The following TTC8 variants were observed in gnomAD, a reference collection of about 807,000 sequenced individuals.
TTC8 encodes the protein tetratricopeptide repeat domain 8, also known as tetratricopeptide repeat protein 8.
Under a neutral mutation model 72.5 loss-of-function variants are expected in TTC8, and 47 were observed. The ratio of observed to expected loss-of-function variants is 0.65; its 90% confidence interval spans 0.51 to 0.83. TTC8 has a LOEUF of 0.83. TTC8 is among the 40% of genes least tolerant of loss of function. The pLI is 0.00. For synonymous variants in TTC8, 199 were observed against 221.4 expected, an observed-to-expected ratio of 0.90 and a Z score of 0.90; for missense variants, 611 against 623.2, an observed-to-expected ratio of 0.98 and a Z score of 0.21.
intron 13 of TTC8, among the ~76,000 whole-genome samples, chr14:88,873,830 C>T (rs878999165): frequency 3.9e-5 from 6 of 152,154 alleles, no homozygotes; most frequent in South Asian, 2.1e-4. Flanking sequence ...GATAAAGAAA[C>T]GGAGGCTTGA....
intron 3 of TTC8, among the ~76,000 whole-genome samples, chr14:88,840,554 G>C (rs1057034354): frequency 4.6e-5 from 7 of 152,044 alleles, no homozygotes; most frequent in Non-Finnish European, 7.4e-5. Context: ...TTGAACTTTG[G>C]AGCCTGTTAG....
At chr14:88,866,866 G>A (rs1469342243) in intron 10 of TTC8, among the ~76,000 whole-genome samples, 1 of 152,036 alleles carries the variant, frequency 6.6e-6, no homozygotes, top group East Asian at 1.9e-4. Context: ...ACACAATCGT[G>A]GAGGGACAAA....
intron 13 of TTC8, among the ~76,000 whole-genome samples, chr14:88,873,695 G>C (rs1466190400): frequency 1.3e-5 from 2 of 152,152 alleles, no homozygotes; most frequent in Non-Finnish European, 2.9e-5. Context: ...GGAGCACATG[G>C]TAGATGCTTA....
chr14:88,871,011 C>T lies in TTC8; in HGVS notation c.1050-538C>T, dbSNP rs1294549358. On this transcript the variant is annotated intron_variant, in intron 11 of 14. Coordinates refer to ENST00000380656, the MANE Select transcript of TTC8 (RefSeq NM_144596.4). This position sits in a 1 kb window ranked among gnomAD's most constrained non-coding sequence, Gnocchi z 4.1. ...CATAGAAGCAAATGGGGCTCTTGAG[C>T]TGCAGTGTGAGAGCTAAGTGGATAA... Among the ~76,000 whole-genome samples the T allele has an allele frequency of 2.0e-5, 3 of 152,162 alleles. 1 individual carries two copies. Among genetic ancestry groups the T allele is most frequent in the East Asian group, 3.9e-4 (2 of 5,192 alleles).
At chr14:88,828,499 T>G (rs910150187) in intron 1 of TTC8, among the ~76,000 whole-genome samples, 1 of 152,216 alleles carries the variant, frequency 6.6e-6, no homozygotes, top group Admixed American at 6.5e-5. Context: ...ACCAAACTGA[T>G]TATAGTATGG....
chr14:88,846,793 A>G, intron 7 of TTC8: 1 of 532,332 alleles, frequency 1.9e-6, no homozygotes, highest in Non-Finnish European at 3.1e-6. Flanking sequence ...GAACTTAAAA[A>G]TTTTTGATTT....
At chr14:88,843,948 GA>G (rs1482328180) in intron 7 of TTC8, 98 bp downstream of exon 7, 2 of 896,446 alleles carry the variant, frequency 2.2e-6, no homozygotes, top group African/African-American at 3.4e-5. Context: ...ATAAACAGAT[GA>G]AATTATTAAA....
intron 10 of TTC8, among the ~76,000 whole-genome samples, chr14:88,864,602 C>T (rs564533082): frequency 1.3e-5 from 2 of 152,282 alleles, no homozygotes; most frequent in Non-Finnish European, 2.9e-5. Context: ...CTCAACCTTT[C>T]CCTGCTCTAA....
intron 8 of TTC8, among the ~76,000 whole-genome samples, 200 bp downstream of exon 8, chr14:88,853,256 G>T (rs968524915): frequency 1.2e-4 from 19 of 152,148 alleles, no homozygotes; most frequent in African/African-American, 4.6e-4. Flanking sequence ...TTTGAGCTGG[G>T]AGAGGGAAGC....
chr14:88,869,990 C>G, intron 10 of TTC8, 69 bp from the exon 11 acceptor site: 1 of 1,513,492 alleles, frequency 6.6e-7, no homozygotes, highest in Non-Finnish European at 9.1e-7. Context: ...GGACTTAAAT[C>G]AGTCAGAAAA....
At chr14:88,846,771 C>A in intron 7 of TTC8, 1 of 643,146 alleles carries the variant, frequency 1.6e-6, no homozygotes, top group South Asian at 2.8e-5. Context: ...TATCATAGTT[C>A]TTCATGCATA....
At chr14:88,844,376 A>G (rs1191238607) in intron 7 of TTC8, among the ~76,000 whole-genome samples, 2 of 152,308 alleles carry the variant, frequency 1.3e-5, no homozygotes, top group Non-Finnish European at 2.9e-5. Context: ...GCATACTTAT[A>G]TGCAAATGAG....
chr14:88,825,216 C>T (rs891411437), intron 1 of TTC8, among the ~76,000 whole-genome samples: 2 of 152,218 alleles, frequency 1.3e-5, no homozygotes, highest in African/African-American at 2.4e-5. Context: ...AGATCTGTGA[C>T]TCTCCACCTC....
intron 2 of TTC8, among the ~76,000 whole-genome samples, chr14:88,837,461 A>G (rs892895374): frequency 1.1e-4 from 17 of 152,178 alleles, no homozygotes; most frequent in African/African-American, 4.1e-4. Flanking sequence ...AGTTAGAACT[A>G]GGACTATGAT....
At chr14:88,824,643 A>G (rs376383017), upstream of TTC8, 1 of 1,378,484 alleles carries the variant, frequency 7.3e-7, no homozygotes, top group Non-Finnish European at 1.0e-6. Context: ...GGACGCCGCC[A>G]GCTCTTCACT....
Position 88,841,179 on chromosome 14 carries a change from T to G in TTC8, c.472T>G (p.Phe158Val). Reference sequence around the variant, plus strand: ...CCCTATCACCAGCTCCTCCGGAAGATTTGTCAGGCTGGGAACGGTAAATTC... The same window carrying G: ...CCCTATCACCAGCTCCTCCGGAAGAGTTGTCAGGCTGGGAACGGTAAATTC... Reference protein sequence around the residue: ...ARPITSSSGRFVRLGTASMLT... With the variant: ...ARPITSSSGRVVRLGTASMLT... The change falls in exon 5 of 15, where the codon TTT becomes GTT. Residue 158 changes from phenylalanine (F) to valine (V), a missense_variant. Physicochemically the swap from Phe to Val is conservative, Grantham distance 50 (BLOSUM62 -1). Transcript: ENST00000380656. 1 of 1,613,966 alleles carries G rather than the reference T, an allele frequency of 6.2e-7. No individual in the cohort carries two copies. The highest frequency in any genetic ancestry group is 1.3e-5 in the African/African-American group (1 of 75,010).
chr14:88,875,258 A>G (rs1196998433), intron 14 of TTC8, 149 bp downstream of exon 14: 4 of 687,650 alleles, frequency 5.8e-6, no homozygotes, highest in Non-Finnish European at 9.8e-6. Context: ...TTATTTATAC[A>G]TCTTTACTTC....
chr14:88,847,326 G>C (rs1566841764), intron 7 of TTC8, among the ~76,000 whole-genome samples: 1 of 152,180 alleles, frequency 6.6e-6, no homozygotes, highest in Non-Finnish European at 1.5e-5. Context: ...AACAAAACAA[G>C]AGGGAGGTGT....
chr14:88,856,896 T>A (rs564808837), intron 8 of TTC8, among the ~76,000 whole-genome samples: 1 of 152,270 alleles, frequency 6.6e-6, no homozygotes, highest in African/African-American at 2.4e-5. Context: ...CATAAGCTCT[T>A]TGGGTGGTGA....
Sources: gnomAD v4.1 joint callset for allele counts (sites outside exome capture counted in the v4.1 genomes callset) on GRCh38, gnomAD v4.1.1 for gene constraint, Gnocchi (gnomAD v3.1) non-coding constraint, MANE v1.5 for transcripts, NCBI Gene and HGNC (gene_info 2026-07-23, HGNC 2026-07-21) for gene names.